FURIN: variants seen among roughly 807,000 people sequenced by gnomAD.
FURIN encodes the protein furin, paired basic amino acid cleaving enzyme.
FURIN carries 18 observed loss-of-function variants against 89.2 expected under a neutral mutation model. That is an observed-to-expected ratio of 0.20 (90% confidence interval 0.14 to 0.30). FURIN has a LOEUF of 0.30. Among genes scored for constraint, FURIN ranks in the 10% least tolerant of loss-of-function variants. The pLI, the probability that FURIN is intolerant of heterozygous loss-of-function variation, is 1.00. For synonymous variants in FURIN, 508 were observed against 466.4 expected (o/e 1.09, Z -1.15); for missense variants, 879 against 1,100.5 (o/e 0.80, Z 2.85).
intron 1 of FURIN, among the ~76,000 whole-genome samples, chr15:90,874,359 G>T (rs924732919): frequency 2.6e-5 from 4 of 152,270 alleles, no homozygotes; most frequent in African/African-American, 9.6e-5. Flanking sequence ...AAGGCTGGTG[G>T]GCGTGGAGCA....
intron 1 of FURIN, among the ~76,000 whole-genome samples, chr15:90,872,722 A>G (rs947648126): frequency 1.3e-5 from 2 of 152,218 alleles, no homozygotes; most frequent in African/African-American, 4.8e-5. Flanking sequence ...AATAGTGGGC[A>G]GGGACTGGGA....
At chr15:90,877,393 G>GT (rs2031689821) in intron 6 of FURIN, 134 bp from the exon 7 acceptor site, 24 of 887,830 alleles carry the variant, frequency 2.7e-5, no homozygotes, top group Non-Finnish European at 3.5e-6. Flanking sequence ...CCAGTGGAGT[G>GT]TGGGAGATGG....
Position 90,881,422 on chromosome 15 carries a change from C to T in FURIN, c.1929C>T (p.Pro643=), listed in dbSNP as rs1396739613. The part of the protein sequence containing the change: ...VETIRASVCA[P]CHASCATCQG... ...CCATCCGGGCCAGCGTCTGCGCCCC[C>T]TGCCACGCCTCATGTGCCACATGCC... Residue 643 remains proline, a synonymous_variant, in exon 16 of 16, where the codon CCC becomes CCT. Transcript: ENST00000268171. The surrounding 1 kb of genome is among the most constrained non-coding windows in gnomAD (Gnocchi z 4.3). 1.9e-6 allele frequency: 3 copies of T among 1,612,770 alleles called. No individual in the cohort carries two copies. The highest frequency in any genetic ancestry group is 2.2e-5 in the South Asian group (2 of 91,080).
intron 10 of FURIN, 49 bp downstream of exon 10, chr15:90,879,593 G>T: frequency 1.3e-6 from 2 of 1,563,766 alleles, no homozygotes; most frequent in African/African-American, 2.7e-5. Flanking sequence ...AGCACTCTCT[G>T]TAGGGCAGCC....
At chr15:90,875,945 A>AG in intron 2 of FURIN, 28 bp downstream of exon 2, 1 of 1,523,340 alleles carries the variant, frequency 6.6e-7, no homozygotes, top group Non-Finnish European at 8.9e-7. Flanking sequence ...GGACACTGCC[A>AG]GGGGGTGGGA....
chr15:90,879,946 C>T lies in FURIN; in HGVS notation c.1338C>T (p.Pro446=). 1 of 1,613,230 alleles carries T rather than the reference C, an allele frequency of 6.2e-7. No individual in the cohort carries two copies. Among genetic ancestry groups the T allele is most frequent in the Non-Finnish European group, 8.5e-7 (1 of 1,179,998 alleles). Residue 446 remains proline (P), a synonymous_variant, in exon 12 of 16, where the codon CCC becomes CCT. Coordinates refer to ENST00000268171, the MANE Select transcript of FURIN (RefSeq NM_002569.4). ...CCCAGAATTGGACCACAGTGGCCCC[C>T]CAGCGGAAGTGCATCATCGACATCC... ...ALAQNWTTVA[P]QRKCIIDILT...
At chr15:90,869,397 T>A (rs2031182581) in intron 1 of FURIN, among the ~76,000 whole-genome samples, 1 of 152,188 alleles carries the variant, frequency 6.6e-6, no homozygotes, top group African/African-American at 2.4e-5. Context: ...AGTCACCAGT[T>A]GTGGTCAAAT....
At chr15:90,874,303 G>A (rs1047224289) in intron 1 of FURIN, among the ~76,000 whole-genome samples, 5 of 152,240 alleles carry the variant, frequency 3.3e-5, no homozygotes, top group African/African-American at 1.2e-4. Flanking sequence ...GGCGCTCCTG[G>A]CTCAGCAGCC....
chr15:90,880,908 C>G (rs766705673), intron 14 of FURIN, 22 bp from the exon 15 acceptor site: 32 of 1,611,206 alleles, frequency 2.0e-5, no homozygotes, highest in Non-Finnish European at 2.7e-5. Context: ...TTAACTCTTG[C>G]CTCCTCCCCG....
At position 90,881,455 on chromosome 15, in the gene FURIN, G is replaced by A. The variant is rs771012569; in HGVS notation, c.1962G>A (p.Pro654=). Residue 654 remains proline, a synonymous_variant, in exon 16 of 16, where the codon CCG becomes CCA. Coordinates refer to ENST00000268171, the MANE Select transcript of FURIN (RefSeq NM_002569.4). The surrounding 1 kb of genome is among the most constrained non-coding windows in gnomAD (Gnocchi z 4.3). ...CCTCATGTGCCACATGCCAGGGGCC[G>A]GCCCTGACAGACTGCCTCAGCTGCC... ...CHASCATCQG[P]ALTDCLSCPS... 6.8e-6 allele frequency: 11 copies of A among 1,612,192 alleles called. No individual in the cohort carries two copies. Among genetic ancestry groups the A allele is most frequent in the Non-Finnish European group, 8.5e-6 (10 of 1,179,858 alleles).
At position 90,876,596 on chromosome 15, in the gene FURIN, A is replaced by G; in HGVS notation, c.372+39A>G. The G allele has an allele frequency of 7.7e-7, 1 of 1,300,990 alleles. No homozygotes were observed. The highest frequency in any genetic ancestry group is 1.1e-6 in the Non-Finnish European group (1 of 896,818). The allele number at this position is 1,300,990 out of a possible 1,614,324, so 80.6% of individuals were successfully genotyped here. ...TTCGCTGCTGGGACCTCCTCCCCAG[A>G]TGCACCATCCACCCACTATGAGCTC... On this transcript the variant is annotated intron_variant, in intron 4 of 15. Transcript: ENST00000268171. The surrounding 1 kb of genome is among the most constrained non-coding windows in gnomAD (Gnocchi z 5.0).
chr15:90,880,965 AC>A lies in FURIN; in HGVS notation c.1719del (p.Ala574ProfsTer83). The A allele has an allele frequency of 1.9e-6, 3 of 1,613,966 alleles. No homozygotes were observed. Among genetic ancestry groups the A allele is most frequent in the Non-Finnish European group, 2.5e-6 (3 of 1,179,952 alleles). ...CAAGTTCACCCTCGTACTCTATGGCACCGCCCCTGAGGGGCTGCCCGTACCT... is the reference window on the plus strand; with the variant it reads ...CAAGTTCACCCTCGTACTCTATGGCACGCCCCTGAGGGGCTGCCCGTACCT... ...LTKFTLVLYG[T>X]APEGLPVPPE... On this transcript the variant is annotated frameshift_variant, in exon 15 of 16. Coordinates refer to ENST00000268171, the MANE Select transcript of FURIN (RefSeq NM_002569.4). LOFTEE classifies it high-confidence loss of function.
At position 90,878,054 on chromosome 15, in the gene FURIN, G is replaced by C; in HGVS notation, c.668-78G>C. The C allele has an allele frequency of 4.9e-6, 7 of 1,429,540 alleles. No individual in the cohort carries two copies. The South Asian group carries it at 8.2e-5, about 17-fold the overall frequency. The allele number at this position is 1,429,540 out of a possible 1,614,324, so 88.6% of individuals were successfully genotyped here. ...TACTCATCCCCTGGGGTGCAGGGCTGGGTGTGCTCCTTGGGGTGGGGGCCC... is the reference window on the plus strand; with the variant it reads ...TACTCATCCCCTGGGGTGCAGGGCTCGGTGTGCTCCTTGGGGTGGGGGCCC... On this transcript the variant is annotated intron_variant, in intron 7 of 15. Coordinates refer to ENST00000268171, the MANE Select transcript of FURIN (RefSeq NM_002569.4).
intron 9 of FURIN, 78 bp downstream of exon 9, chr15:90,879,054 G>C: frequency 1.1e-6 from 1 of 914,626 alleles, no homozygotes; most frequent in Non-Finnish European, 1.7e-6. Flanking sequence ...TTTGGAGGCT[G>C]TCTGCCTCCA....
At position 90,882,529 on chromosome 15, in the gene FURIN, C is replaced by A. The variant is rs2032046384; in HGVS notation, c.*651C>A. 6.5e-6 allele frequency: 1 copy of A among 153,296 alleles called. No homozygotes were observed. The highest frequency in any genetic ancestry group is 2.4e-5 in the African/African-American group (1 of 41,476). 9.5% of individuals were successfully genotyped at this position (153,296 alleles called of 1,614,324 possible). A position where few individuals can be genotyped will look rare whatever the true frequency, so the allele number is the denominator to read the frequency against. On this transcript the variant is annotated 3_prime_UTR_variant, in exon 16 of 16. Coordinates refer to ENST00000268171, the MANE Select transcript of FURIN (RefSeq NM_002569.4). ...GCCAAGGCCGAAGCTCTGGCTGAAC[C>A]CTGTGCTGGTGTCCTGACCACCCTC...
At chr15:90,871,788 CCGGGGCCCGGCTGCCCG>C (rs2031319108) in intron 1 of FURIN, among the ~76,000 whole-genome samples, 1 of 149,496 alleles carries the variant, frequency 6.7e-6, no homozygotes, top group South Asian at 2.1e-4. Flanking sequence ...CCCGGGTCCC[CCGGGGCCCGGCTGCCCG>C]CCGGCTTTCC....
chr15:90,871,498 G>T (rs1271587427), intron 1 of FURIN: 1 of 148,952 alleles, frequency 6.7e-6, no homozygotes, highest in Non-Finnish European at 1.5e-5. Flanking sequence ...GGCCCACGGC[G>T]CTGGGAACGC....
Position 90,883,056 on chromosome 15 carries a change from T to A in FURIN, c.*1178T>A, listed in dbSNP as rs2032100933. ...TGCCGGGGGTTCATAGGTCACTGGC[T>A]CTCCAAGTGCCAGAGGTGGGCAGGT... is the stretch of plus-strand genomic sequence containing the variant. On this transcript the variant is annotated 3_prime_UTR_variant, in exon 16 of 16. Coordinates refer to ENST00000268171, the MANE Select transcript of FURIN (RefSeq NM_002569.4). 6.6e-6 allele frequency: 1 copy of A among 152,586 alleles called. No homozygotes were observed. The highest frequency in any genetic ancestry group is 1.5e-5 in the Non-Finnish European group (1 of 68,086). 9.5% of individuals were successfully genotyped at this position (152,586 alleles called of 1,614,324 possible).
At chr15:90,874,001 T>G (rs1482657369) in intron 1 of FURIN, among the ~76,000 whole-genome samples, 1 of 152,186 alleles carries the variant, frequency 6.6e-6, no homozygotes, top group Non-Finnish European at 1.5e-5. Flanking sequence ...AGGGCCTACG[T>G]GAGCTGGGGT....
Sources: allele counts gnomAD v4.1 joint callset (sites outside exome capture counted in the v4.1 genomes callset), GRCh38; gene constraint gnomAD v4.1.1; non-coding constraint Gnocchi (gnomAD v3.1); transcripts MANE v1.5; gene names NCBI Gene and HGNC (gene_info 2026-07-23, HGNC 2026-07-21).